The following RIMS3 variants were observed in gnomAD, a reference collection of about 807,000 sequenced individuals.
The protein encoded by RIMS3 is regulating synaptic membrane exocytosis protein 3.
Under a neutral mutation model 29.2 loss-of-function variants are expected in RIMS3, and 15 were observed. The observed-to-expected ratio is 0.51, with a 90% CI of 0.34 to 0.79. The LOEUF (loss-of-function observed/expected upper bound fraction) is 0.79. RIMS3 is among the 30% of genes least tolerant of loss of function. The pLI is 0.01. For synonymous variants in RIMS3, 161 were observed against 170.1 expected (o/e 0.95, Z 0.41); for missense variants, 342 against 421.4 (o/e 0.81, Z 1.65).
At chr1:40,634,655 T>G (rs969997200) in intron 4 of RIMS3, among the ~76,000 whole-genome samples, 5 of 152,174 alleles carry the variant, frequency 3.3e-5, no homozygotes, top group Non-Finnish European at 7.3e-5. Flanking sequence ...AAGTGTTAAA[T>G]GATCCCTGTT....
intron 1 of RIMS3, among the ~76,000 whole-genome samples, chr1:40,655,110 A>G (rs1308869332): frequency 6.6e-6 from 1 of 152,210 alleles, no homozygotes. Context: ...GTCTGCTGCG[A>G]GGTCCCAGGG....
chr1:40,667,883 C>T (rs1027215190), upstream of RIMS3, among the ~76,000 whole-genome samples: 3 of 152,184 alleles, frequency 2.0e-5, no homozygotes, highest in African/African-American at 4.8e-5. Context: ...AATCCCAAAA[C>T]TTTGGGAGGT....
the RIMS3 span, among the ~76,000 whole-genome samples, chr1:40,671,387 G>C: frequency 6.6e-6 from 1 of 152,136 alleles, no homozygotes; most frequent in African/African-American, 2.4e-5. Flanking sequence ...TTGGTGATAT[G>C]GTTTGGATCT....
intron 2 of RIMS3, among the ~76,000 whole-genome samples, chr1:40,644,549 T>C (rs1459736953): frequency 6.6e-6 from 1 of 152,176 alleles, no homozygotes; most frequent in Non-Finnish European, 1.5e-5. Context: ...TTAATGATGG[T>C]TACACTAAGT....
chr1:40,684,274 C>CT, the RIMS3 span, among the ~76,000 whole-genome samples: 1 of 152,218 alleles, frequency 6.6e-6, no homozygotes, highest in Non-Finnish European at 1.5e-5. Context: ...TGTCAGGACT[C>CT]TGTCTCCCTC....
intron 6 of RIMS3, 120 bp from the exon 7 acceptor site, chr1:40,629,069 T>G: frequency 7.6e-7 from 1 of 1,319,440 alleles, no homozygotes; most frequent in Non-Finnish European, 1.1e-6. Context: ...AGCCAGCCAG[T>G]GGACAGCAGG....
At chr1:40,686,665 A>C in the RIMS3 span, among the ~76,000 whole-genome samples, 3 of 152,158 alleles carry the variant, frequency 2.0e-5, no homozygotes, top group East Asian at 5.8e-4. Flanking sequence ...TCAAAAACAA[A>C]AACAAAAAAA....
At chr1:40,632,613 C>A (rs563585501) in intron 5 of RIMS3, among the ~76,000 whole-genome samples, 20 of 151,856 alleles carry the variant, frequency 1.3e-4, no homozygotes, top group African/African-American at 4.1e-4. Context: ...TTGCTTTTTG[C>A]AACTCTGTGG....
chr1:40,657,571 C>A (rs925498840), intron 1 of RIMS3, among the ~76,000 whole-genome samples: 1 of 151,862 alleles, frequency 6.6e-6, no homozygotes, highest in African/African-American at 2.4e-5. Context: ...CAGGGTGAAA[C>A]CCTGTCTCTA....
chr1:40,680,620 C>A, the RIMS3 span, among the ~76,000 whole-genome samples: 1 of 152,090 alleles, frequency 6.6e-6, no homozygotes, highest in African/African-American at 2.4e-5. Flanking sequence ...GCATGAGCCA[C>A]CATGCCCAGC....
At chr1:40,666,282 C>T (rs1456330058), upstream of RIMS3, among the ~76,000 whole-genome samples, 2 of 152,162 alleles carry the variant, frequency 1.3e-5, no homozygotes, top group Non-Finnish European at 2.9e-5. Context: ...GGCGATTTTG[C>T]CCCCCAGGGA....
rs890522879 is a variant in RIMS3, at chr1:40,636,772, C to T, written c.218-715G>A. Among the ~76,000 whole-genome samples, 1 of 152,200 alleles carries T rather than the reference C, an allele frequency of 6.6e-6. No individual in the cohort carries two copies. The highest frequency in any genetic ancestry group is 1.5e-5 in the Non-Finnish European group (1 of 68,040). On this transcript the variant is annotated intron_variant, in intron 3 of 7. Transcript: ENST00000372684. This position sits in a 1 kb window ranked among gnomAD's most constrained non-coding sequence, Gnocchi z 4.2. ...GCCTGTGAGAACTTACCCGTGTCTCCGTGCCTCCTGTTCAGAGGCCCTCGA... is the reference window on the plus strand; with the variant it reads ...GCCTGTGAGAACTTACCCGTGTCTCTGTGCCTCCTGTTCAGAGGCCCTCGA...
chr1:40,653,740 A>G (rs1186798808), intron 1 of RIMS3, among the ~76,000 whole-genome samples: 1 of 152,204 alleles, frequency 6.6e-6, no homozygotes, highest in Non-Finnish European at 1.5e-5. Context: ...GGCGACTGGG[A>G]AAAGGTCTTT....
At chr1:40,639,147 C>A (rs180831478) in intron 3 of RIMS3, among the ~76,000 whole-genome samples, 112 of 152,296 alleles carry the variant, frequency 7.4e-4, no homozygotes, top group African/African-American at 2.5e-3. Flanking sequence ...CAGACCTGAG[C>A]CCAGAAGACA....
intron 1 of RIMS3, among the ~76,000 whole-genome samples, chr1:40,664,969 C>T (rs1388186312): frequency 6.6e-6 from 1 of 152,094 alleles, no homozygotes; most frequent in African/African-American, 2.4e-5. Context: ...GACACCACAA[C>T]GGTGTCACGT....
the RIMS3 span, among the ~76,000 whole-genome samples, chr1:40,685,966 G>A: frequency 6.6e-6 from 1 of 152,066 alleles, no homozygotes; most frequent in African/African-American, 2.4e-5. Flanking sequence ...TGGCCAACAT[G>A]GTGAAACCCC....
chr1:40,622,842 A>G lies in RIMS3; in HGVS notation c.*3675T>C, dbSNP rs1009839906. 1 of 152,744 alleles carries G rather than the reference A, an allele frequency of 6.5e-6. No individual in the cohort carries two copies. Among genetic ancestry groups the G allele is most frequent in the Non-Finnish European group, 1.5e-5 (1 of 68,130 alleles). The allele number at this position is 152,744 out of a possible 1,614,324, so 9.5% of individuals were successfully genotyped here. ...TGGAACCCCAGGGGAAGAGGAGCTC[A>G]GCAACTCCTGGGCAGCAGGGCATGG... is the stretch of plus-strand genomic sequence containing the variant. On this transcript the variant is annotated 3_prime_UTR_variant, in exon 8 of 8. Coordinates refer to ENST00000372684, the MANE Select transcript of RIMS3 (RefSeq NM_014747.3).
chr1:40,667,100 T>G (rs1448546705), upstream of RIMS3, among the ~76,000 whole-genome samples: 1 of 152,070 alleles, frequency 6.6e-6, no homozygotes, highest in African/African-American at 2.4e-5. Flanking sequence ...TCCTGGGGAT[T>G]GCTAGGAGGC....
the RIMS3 span, among the ~76,000 whole-genome samples, chr1:40,686,482 G>A: frequency 2.0e-5 from 3 of 151,916 alleles, no homozygotes; most frequent in African/African-American, 7.3e-5. Flanking sequence ...GAAACCCACC[G>A]TTTCTACTAA....
Sources: gnomAD v4.1 joint callset for allele counts (sites outside exome capture counted in the v4.1 genomes callset) on GRCh38, gnomAD v4.1.1 for gene constraint, Gnocchi (gnomAD v3.1) non-coding constraint, MANE v1.5 for transcripts, NCBI Gene and HGNC (gene_info 2026-07-23, HGNC 2026-07-21) for gene names.